OLFML2B: variants seen among roughly 807,000 people sequenced by gnomAD.
The protein encoded by OLFML2B is olfactomedin-like protein 2B.
OLFML2B carries 57 observed loss-of-function variants against 74.9 expected under a neutral mutation model. The observed-to-expected ratio is 0.76, with a 90% CI of 0.61 to 0.95. The LOEUF is 0.95. Ranked by LOEUF, OLFML2B falls within the 40% of genes least tolerant of loss-of-function variation. The pLI, the probability that OLFML2B is intolerant of heterozygous loss-of-function variation, is 0.00. For synonymous variants in OLFML2B, 388 were observed against 405.8 expected, an observed-to-expected ratio of 0.96 and a Z score of 0.53; for missense variants, 986 against 970.6, an observed-to-expected ratio of 1.02 and a Z score of -0.21.
At chr1:162,021,404 G>A (rs1031760993) in intron 1 of OLFML2B, among the ~76,000 whole-genome samples, 2 of 152,212 alleles carry the variant, frequency 1.3e-5, no homozygotes, top group African/African-American at 2.4e-5. Context: ...AACTCTGGGC[G>A]CTTGCTGGGA....
chr1:161,984,760 T>A, intron 7 of OLFML2B, 44 bp downstream of exon 7: 1 of 1,587,150 alleles, frequency 6.3e-7, no homozygotes, highest in East Asian at 2.2e-5. Context: ...ACAGAGGACG[T>A]GGGGAAGGGA....
intron 3 of OLFML2B, among the ~76,000 whole-genome samples, chr1:162,013,946 A>T (rs1448354946): frequency 6.6e-6 from 1 of 151,180 alleles, no homozygotes; most frequent in Non-Finnish European, 1.5e-5. Context: ...ACACTTCTGT[A>T]GGATTCTATG....
Position 162,023,398 on chromosome 1 carries a change from G to A in OLFML2B, c.33C>T (p.Phe11=), listed in dbSNP as rs771321930. MAKPRLLVLY[F]ALIVVPAWVS... is the part of the protein sequence containing the mutation. ...CCCAGGCCGGAACCACAATCAGAGC[G>A]AAGTAGAGAACTAGCAGCCGAGGCT... Residue 11 remains phenylalanine, a synonymous_variant, in exon 1 of 8, where the codon TTC becomes TTT. Coordinates refer to ENST00000294794, the MANE Select transcript of OLFML2B (RefSeq NM_015441.3). The A allele has an allele frequency of 1.6e-5, 25 of 1,589,902 alleles. No individual in the cohort carries two copies. The African/African-American group carries it at 2.2e-4, about 14-fold the overall frequency.
intron 5 of OLFML2B, among the ~76,000 whole-genome samples, chr1:161,999,092 A>G (rs1558059150): frequency 6.6e-6 from 1 of 152,210 alleles, no homozygotes; most frequent in Non-Finnish European, 1.5e-5. Flanking sequence ...CATGACTTAG[A>G]GGCTGTGTAT....
At chr1:162,018,360 T>C (rs1359348551) in intron 2 of OLFML2B, among the ~76,000 whole-genome samples, 2 of 152,190 alleles carry the variant, frequency 1.3e-5, no homozygotes, top group Admixed American at 6.5e-5. Context: ...AGCTGGCTCA[T>C]AACAGGTATT....
intron 6 of OLFML2B, among the ~76,000 whole-genome samples, chr1:161,990,954 A>G (rs536711194): frequency 1.9e-4 from 29 of 152,338 alleles, no homozygotes; most frequent in East Asian, 5.8e-4. Flanking sequence ...TTGTTCATCA[A>G]TAAGAAACAA....
In OLFML2B at chr1:162,000,310, G is replaced by A. The variant is rs2101961527; in HGVS notation, c.752C>T (p.Thr251Ile). Residue 251 changes from threonine to isoleucine, a missense_variant, in exon 5 of 8, where the codon ACC (threonine) becomes ATC (isoleucine). Physicochemically the swap from Thr to Ile is moderately conservative, Grantham distance 89 (BLOSUM62 -1). Transcript: ENST00000294794. ...GATGGAGTTGATCTGCTGGGACACG[G>A]TTTCTTCCTGCAGAAACCGCTCTTC... is the stretch of plus-strand genomic sequence containing the variant. ...EYEERFLQEE[T>I]VSQQINSIEL... 6.2e-7 allele frequency: 1 copy of A among 1,612,870 alleles called. No homozygotes were observed. Among genetic ancestry groups the A allele is most frequent in the South Asian group, 1.1e-5 (1 of 91,020 alleles).
intron 1 of OLFML2B, among the ~76,000 whole-genome samples, chr1:162,022,529 G>T (rs1012903383): frequency 6.6e-6 from 1 of 152,004 alleles, no homozygotes. Flanking sequence ...GATTACAGGC[G>T]TGAGCCACCG....
Position 162,023,823 on chromosome 1 carries a change from A to T in OLFML2B, c.-393T>A, listed in dbSNP as rs1690812707. The T allele has an allele frequency of 6.3e-6, 1 of 159,714 alleles. No homozygotes were observed. Among genetic ancestry groups the T allele is most frequent in the African/African-American group, 2.4e-5 (1 of 41,680 alleles). The allele number at this position is 159,714 out of a possible 1,614,324, so 9.9% of individuals were successfully genotyped here. A position where few individuals can be genotyped will look rare whatever the true frequency, so the allele number is the denominator to read the frequency against. ...GCCTCGGGACGCACGGGGACCGGAC[A>T]CGGGGAGGGAAGAGGCGGTGGCGGC... On this transcript the variant is annotated 5_prime_UTR_variant, in exon 1 of 8. Transcript: ENST00000294794.
At chr1:162,010,309 G>T (rs899534890) in intron 3 of OLFML2B, among the ~76,000 whole-genome samples, 4 of 152,204 alleles carry the variant, frequency 2.6e-5, no homozygotes, top group Middle Eastern at 3.2e-3. Flanking sequence ...GCACTGGAGG[G>T]TGCCTGATGG....
intron 6 of OLFML2B, among the ~76,000 whole-genome samples, chr1:161,995,825 A>C (rs1331411690): frequency 6.6e-6 from 1 of 152,102 alleles, no homozygotes; most frequent in African/African-American, 2.4e-5. Flanking sequence ...GTTCCCTCTC[A>C]CCCAAGGGTG....
In OLFML2B at chr1:161,984,258, T is replaced by C. The variant is rs2101941945; in HGVS notation, c.1670A>G (p.Tyr557Cys). 2 of 1,520,392 alleles carry C rather than the reference T, an allele frequency of 1.3e-6. No individual in the cohort carries two copies. The highest frequency in any genetic ancestry group is 1.8e-6 in the Non-Finnish European group (2 of 1,135,172). The allele number at this position is 1,520,392 out of a possible 1,614,324, so 94.2% of individuals were successfully genotyped here. ...NFKQGRWSNS[Y>C]KLPYSWIGTG... ...GCCGATCCAGCTGTACGGGAGCTTG[T>C]AGGAATTGCTCCAGCGACCTGCAGG... Residue 557 changes from tyrosine (Y) to cysteine (C), a missense_variant, in exon 8 of 8, where the codon TAC becomes TGC. Transcript: ENST00000294794.
chr1:162,004,544 T>TA (rs1690167778), intron 4 of OLFML2B, among the ~76,000 whole-genome samples: 1 of 152,190 alleles, frequency 6.6e-6, no homozygotes, highest in African/African-American at 2.4e-5. Flanking sequence ...CAGGGCTTGT[T>TA]ACCTCAAAAG....
At chr1:161,995,290 G>A (rs967947292) in intron 6 of OLFML2B, among the ~76,000 whole-genome samples, 1 of 152,140 alleles carries the variant, frequency 6.6e-6, no homozygotes, top group African/African-American at 2.4e-5. Context: ...CTACATCTGT[G>A]TCCATGTCTA....
Position 161,998,177 on chromosome 1 carries a change from T to C in OLFML2B, c.1122A>G (p.Ala374=). The change falls in exon 6 of 8, where the codon GCA becomes GCG. Residue 374 remains alanine, a synonymous_variant. Coordinates refer to ENST00000294794, the MANE Select transcript of OLFML2B (RefSeq NM_015441.3). ...LNARTAPWSS[A]LPQPSTSDPS... is the part of the protein sequence containing the mutation. ...GATCTGAGGTCGAGGGCTGTGGCAG[T>C]GCTGAGGACCAGGGTGCGGTCCGAG... 6.2e-7 allele frequency: 1 copy of C among 1,614,098 alleles called. No individual in the cohort carries two copies. The highest frequency in any genetic ancestry group is 8.5e-7 in the Non-Finnish European group (1 of 1,180,028).
intron 4 of OLFML2B, among the ~76,000 whole-genome samples, chr1:162,003,755 C>T (rs534684223): frequency 6.6e-6 from 1 of 152,300 alleles, no homozygotes; most frequent in South Asian, 2.1e-4. Flanking sequence ...TTAACACTCA[C>T]CATTCCAAGA....
Sources: gnomAD v4.1 joint callset for allele counts (sites outside exome capture counted in the v4.1 genomes callset) on GRCh38, gnomAD v4.1.1 for gene constraint, MANE v1.5 for transcripts, NCBI Gene and HGNC (gene_info 2026-07-23, HGNC 2026-07-21) for gene names.